Variants in COG5 observed in about 807,000 individuals in gnomAD.
COG5 encodes component of oligomeric golgi complex 5.
COG5 carries 86 observed loss-of-function variants against 110.4 expected under a neutral mutation model. That is an observed-to-expected ratio of 0.78 (90% CI 0.65 to 0.93). COG5 has a LOEUF of 0.93. Among genes scored for constraint, COG5 ranks in the 40% least tolerant of loss-of-function variants. COG5 has a pLI of 0.00. For missense variants in COG5, 1,077 were observed against 987.0 expected, an observed-to-expected ratio of 1.09 and a Z score of -1.22; for synonymous variants, 360 against 334.6, an observed-to-expected ratio of 1.08 and a Z score of -0.83.
At chr7:107,308,659 G>A (rs987434600) in intron 11 of COG5, among the ~76,000 whole-genome samples, 1 of 151,718 alleles carries the variant, frequency 6.6e-6, no homozygotes, top group Non-Finnish European at 1.5e-5. Context: ...GTTTAGGAAA[G>A]GCAGAAAAAC....
chr7:107,305,131 C>T (rs1351954918), intron 11 of COG5, among the ~76,000 whole-genome samples: 1 of 152,156 alleles, frequency 6.6e-6, no homozygotes. Context: ...AGGATATGCT[C>T]CATCTGGATA....
At chr7:107,507,663 A>C (rs990887825) in intron 6 of COG5, among the ~76,000 whole-genome samples, 7 of 151,898 alleles carry the variant, frequency 4.6e-5, no homozygotes, top group African/African-American at 1.2e-4. Context: ...ATCTCAAAAA[A>C]CATTAATTAC....
intron 21 of COG5, chr7:107,210,042 A>C: frequency 9.8e-7 from 1 of 1,025,510 alleles, no homozygotes; most frequent in Non-Finnish European, 1.2e-6. Context: ...TATGTATGTG[A>C]ATGCATTCAT....
chr7:107,459,473 T>TA (rs11320434), intron 6 of COG5, among the ~76,000 whole-genome samples: 123 of 147,852 alleles, frequency 8.3e-4, no homozygotes, highest in East Asian at 2.2e-3. Flanking sequence ...TTTTTTTCAG[T>TA]AAAAAAAAAA....
chr7:107,208,692 T>A, intron 21 of COG5: 9 of 985,406 alleles, frequency 9.1e-6, no homozygotes, highest in Non-Finnish European at 1.1e-5. Flanking sequence ...CTGTGTCAGA[T>A]GTTCATAGCT....
chr7:107,239,392 A>T (rs1194200477), intron 17 of COG5, among the ~76,000 whole-genome samples: 2 of 152,058 alleles, frequency 1.3e-5, no homozygotes, highest in East Asian at 3.9e-4. Context: ...GTAGTGTGAT[A>T]CCTCTAGCTT....
intron 6 of COG5, among the ~76,000 whole-genome samples, chr7:107,515,284 A>G (rs1021856051): frequency 1.3e-5 from 2 of 152,154 alleles, no homozygotes; most frequent in Non-Finnish European, 2.9e-5. Context: ...TGGGATATAG[A>G]TATATTATTG....
At chr7:107,261,895 ATT>A (rs372803824) in intron 14 of COG5, among the ~76,000 whole-genome samples, 5 of 138,826 alleles carry the variant, frequency 3.6e-5, no homozygotes, top group Non-Finnish European at 4.7e-5. Flanking sequence ...CTTCTCTTTG[ATT>A]TTTTTTTTTT....
chr7:107,208,430 T>C (rs1227640281), intron 21 of COG5: 6 of 985,316 alleles, frequency 6.1e-6, no homozygotes, highest in Non-Finnish European at 7.2e-6. Context: ...CATTCCAACT[T>C]GTTAAGACGA....
At chr7:107,233,383 C>T (rs1311382489) in intron 18 of COG5, among the ~76,000 whole-genome samples, 4 of 152,186 alleles carry the variant, frequency 2.6e-5, no homozygotes, top group Non-Finnish European at 4.4e-5. Flanking sequence ...GAAACCACCT[C>T]GTGCCCATGA....
intron 21 of COG5, chr7:107,208,165 A>C (rs1468079062): frequency 2.0e-6 from 2 of 985,286 alleles, no homozygotes; most frequent in Non-Finnish European, 2.4e-6. Context: ...GGAGTACAGT[A>C]CTTTTTTTGA....
intron 19 of COG5, among the ~76,000 whole-genome samples, chr7:107,213,039 G>A (rs1438768192): frequency 6.6e-6 from 1 of 152,206 alleles, no homozygotes; most frequent in African/African-American, 2.4e-5. Context: ...ATCCCCTGGT[G>A]TCAAACAAAT....
intron 7 of COG5, among the ~76,000 whole-genome samples, chr7:107,388,299 T>G (rs2129055674): frequency 6.6e-6 from 1 of 152,344 alleles, no homozygotes; most frequent in East Asian, 1.9e-4. Flanking sequence ...TCTCACTTAA[T>G]TAGTGCCCAT....
chr7:107,381,512 C>T (rs1005841939), intron 7 of COG5, among the ~76,000 whole-genome samples: 3 of 152,276 alleles, frequency 2.0e-5, no homozygotes, highest in South Asian at 2.1e-4. Flanking sequence ...AACCAAACTT[C>T]GTCAATTGTG....
intron 10 of COG5, among the ~76,000 whole-genome samples, chr7:107,340,642 A>T (rs183926183): frequency 1.6e-4 from 24 of 152,300 alleles, no homozygotes; most frequent in Admixed American, 1.2e-3. Flanking sequence ...ACAAAATACT[A>T]GCAAATGGAA....
In COG5 at chr7:107,202,969, G is replaced by A. The variant is rs1057284923; in HGVS notation, c.*547C>T. On this transcript the variant is annotated 3_prime_UTR_variant, in exon 22 of 22. Coordinates refer to ENST00000297135, the MANE Select transcript of COG5 (RefSeq NM_006348.5). ...TTGTTGTCTATTGGAATCATTTTGG[G>A]GATTTTTTTTTTTTTTAATAGTGGT... The A allele has an allele frequency of 3.4e-5, 5 of 148,430 alleles. No homozygotes were observed. The highest frequency in any genetic ancestry group is 3.4e-4 in the Admixed American group (5 of 14,912). 9.2% of individuals were successfully genotyped at this position (148,430 alleles called of 1,614,324 possible).
At chr7:107,462,425 C>T (rs1295650032) in intron 6 of COG5, among the ~76,000 whole-genome samples, 2 of 151,992 alleles carry the variant, frequency 1.3e-5, no homozygotes, top group Non-Finnish European at 2.9e-5. Flanking sequence ...TCTCATGGTG[C>T]AGGCTTGAGG....
chr7:107,395,541 C>CTTTTTTTTTTTTTT (rs67581814), intron 7 of COG5, among the ~76,000 whole-genome samples: 1 of 49,994 alleles, frequency 2.0e-5, no homozygotes, highest in African/African-American at 9.7e-5. Flanking sequence ...TGAAGCAGAT[C>CTTTTTTTTTTTTTT]TTTTTTTTTT....
At chr7:107,346,866 C>A (rs1562980246) in intron 10 of COG5, among the ~76,000 whole-genome samples, 1 of 152,124 alleles carries the variant, frequency 6.6e-6, no homozygotes, top group African/African-American at 2.4e-5. Flanking sequence ...CCCTACCCCA[C>A]AACATGCCCT....
Sources: allele counts gnomAD v4.1 joint callset (sites outside exome capture counted in the v4.1 genomes callset), GRCh38; gene constraint gnomAD v4.1.1; transcripts MANE v1.5; gene names NCBI Gene and HGNC (gene_info 2026-07-23, HGNC 2026-07-21).